Variants in PDE4D observed in about 807,000 individuals in gnomAD.
PDE4D encodes 3',5'-cyclic-AMP phosphodiesterase 4D.
Under a neutral mutation model 87.4 loss-of-function variants are expected in PDE4D, and 24 were observed. That is an observed-to-expected ratio of 0.27 (90% CI 0.20 to 0.39). The LOEUF is 0.39. Ranked by LOEUF, PDE4D falls within the 10% of genes least tolerant of loss-of-function variation. The pLI is 1.00. For synonymous variants in PDE4D, 384 were observed against 383.2 expected (o/e 1.00, Z -0.02); for missense variants, 714 against 1,041.0 (o/e 0.69, Z 4.32).
chr5:60,323,848 G>A (rs1254021390), intron 1 of PDE4D, among the ~76,000 whole-genome samples: 2 of 151,476 alleles, frequency 1.3e-5, no homozygotes, highest in Non-Finnish European at 2.9e-5. Flanking sequence ...CTGCTACAGG[G>A]TTTTGTCTCC....
intron 1 of PDE4D, among the ~76,000 whole-genome samples, chr5:59,256,737 T>G (rs1226318208): frequency 6.6e-6 from 1 of 152,092 alleles, no homozygotes; most frequent in African/African-American, 2.4e-5. Context: ...TTAGCTGCAT[T>G]GGCATCTTTA....
At chr5:59,094,664 T>C (rs1009800703) in intron 5 of PDE4D, among the ~76,000 whole-genome samples, 3 of 152,060 alleles carry the variant, frequency 2.0e-5, no homozygotes, top group African/African-American at 4.8e-5. Flanking sequence ...ATTTCACCAA[T>C]AGAAAATACT....
At chr5:60,191,550 C>A (rs946417934) in intron 1 of PDE4D, among the ~76,000 whole-genome samples, 19 of 152,176 alleles carry the variant, frequency 1.2e-4, no homozygotes, top group Non-Finnish European at 2.9e-5. Context: ...ACCTCCCCAG[C>A]CATGCAGAAC....
chr5:59,557,816 A>G (rs945679719), intron 1 of PDE4D, among the ~76,000 whole-genome samples: 5 of 152,346 alleles, frequency 3.3e-5, no homozygotes, highest in South Asian at 4.1e-4. Context: ...GAAGTCACCT[A>G]AAGGGAAGAA....
intron 11 of PDE4D, among the ~76,000 whole-genome samples, chr5:58,981,491 GAAAATGAAGATAAGTTAAT>G (rs1745149276): frequency 2.8e-4 from 2 of 7,060 alleles, no homozygotes; most frequent in African/African-American, 2.9e-3. Flanking sequence ...ATAAGAAAAA[GAAAATGAAGATAAGTTAAT>G]ACCTCTTATG....
intron 1 of PDE4D, among the ~76,000 whole-genome samples, chr5:59,584,200 C>A (rs952094897): frequency 4.6e-5 from 7 of 152,092 alleles, no homozygotes; most frequent in African/African-American, 1.7e-4. Context: ...CCTACAATCT[C>A]TTACTGCAGT....
chr5:59,561,247 C>A (rs1819922297), intron 1 of PDE4D, among the ~76,000 whole-genome samples: 1 of 152,036 alleles, frequency 6.6e-6, no homozygotes, highest in African/African-American at 2.4e-5. Context: ...GACTGCTGGC[C>A]TGCGGGGTTC....
intron 1 of PDE4D, chr5:59,356,899 C>CG (rs2153590455): frequency 6.7e-7 from 1 of 1,485,736 alleles, no homozygotes; most frequent in East Asian, 2.5e-5. Context: ...AGAGCTGGTG[C>CG]GGGGCTCTGG....
At chr5:59,433,630 T>A (rs757752759) in intron 1 of PDE4D, among the ~76,000 whole-genome samples, 13 of 152,064 alleles carry the variant, frequency 8.5e-5, no homozygotes, top group Non-Finnish European at 1.6e-4. Flanking sequence ...CAAATAAGGC[T>A]CAAATCTTAT....
intron 1 of PDE4D, among the ~76,000 whole-genome samples, chr5:59,574,008 ATATAT>A (rs1561239095): frequency 1.0e-5 from 1 of 97,488 alleles, no homozygotes; most frequent in East Asian, 2.8e-4. Context: ...AAAAAAAAAT[ATATAT>A]ATATATATAT....
At chr5:59,599,386 A>ATTTT (rs1017638028) in intron 1 of PDE4D, among the ~76,000 whole-genome samples, 9 of 149,290 alleles carry the variant, frequency 6.0e-5, no homozygotes, top group Non-Finnish European at 1.4e-4. Context: ...ACACCCAGCT[A>ATTTT]TTTTTATTTA....
intron 1 of PDE4D, among the ~76,000 whole-genome samples, chr5:60,304,472 C>T (rs373800646): frequency 0.026 from 3,909 of 150,498 alleles, 147 homozygotes; most frequent in African/African-American, 0.092. Flanking sequence ...GGTGAAACCC[C>T]GTCTCTACTA....
intron 1 of PDE4D, among the ~76,000 whole-genome samples, chr5:59,277,950 C>G (rs1765137089): frequency 6.6e-6 from 1 of 152,102 alleles, no homozygotes; most frequent in Non-Finnish European, 1.5e-5. Flanking sequence ...GTCCCTCTCC[C>G]CTGGCAAAAA....
chr5:59,271,630 A>C (rs554108952), intron 1 of PDE4D, among the ~76,000 whole-genome samples: 26 of 152,216 alleles, frequency 1.7e-4, no homozygotes, highest in African/African-American at 6.0e-4. Context: ...AGAGCTAATA[A>C]AAAAATTATA....
At chr5:59,235,535 C>A (rs1211298190) in intron 1 of PDE4D, among the ~76,000 whole-genome samples, 2 of 152,156 alleles carry the variant, frequency 1.3e-5, no homozygotes, top group Non-Finnish European at 2.9e-5. Context: ...ACGACTCAAT[C>A]CCAAATCTTC....
intron 1 of PDE4D, among the ~76,000 whole-genome samples, chr5:60,315,741 G>A (rs1343942751): frequency 1.3e-5 from 2 of 152,110 alleles, no homozygotes; most frequent in Non-Finnish European, 2.9e-5. Flanking sequence ...TATTAAATAG[G>A]GAATCCTTTC....
chr5:59,025,946 T>TC (rs1756155554), intron 6 of PDE4D, among the ~76,000 whole-genome samples: 1 of 152,332 alleles, frequency 6.6e-6, no homozygotes, highest in East Asian at 1.9e-4. Flanking sequence ...CCAGAGGCTG[T>TC]CCCTATAGGG....
intron 1 of PDE4D, among the ~76,000 whole-genome samples, chr5:60,411,836 G>T (rs1742069961): frequency 6.6e-6 from 1 of 152,044 alleles, no homozygotes; most frequent in South Asian, 2.1e-4. Flanking sequence ...ACCTTTCCTA[G>T]AAATCTCAAT....
At chr5:59,437,779 T>C (rs1178016737) in intron 1 of PDE4D, among the ~76,000 whole-genome samples, 1 of 152,130 alleles carries the variant, frequency 6.6e-6, no homozygotes, top group Non-Finnish European at 1.5e-5. Context: ...ATTGACAATA[T>C]TATGAGATAG....
Sources: gnomAD v4.1 joint callset for allele counts (sites outside exome capture counted in the v4.1 genomes callset) on GRCh38, gnomAD v4.1.1 for gene constraint, MANE v1.5 for transcripts, NCBI Gene and HGNC (gene_info 2026-07-23, HGNC 2026-07-21) for gene names.